The following PDE8B variants were observed in gnomAD, a reference collection of about 807,000 sequenced individuals.
PDE8B encodes phosphodiesterase 8B, also known as high affinity cAMP-specific and IBMX-insensitive 3',5'-cyclic phosphodiesterase 8B.
PDE8B carries 26 observed loss-of-function variants against 101.3 expected under a neutral mutation model. The observed-to-expected ratio is 0.26, with a 90% CI of 0.19 to 0.36. The LOEUF (loss-of-function observed/expected upper bound fraction) is 0.36, where lower values mean the gene tolerates loss of function less well. Ranked by LOEUF, PDE8B falls within the 10% of genes least tolerant of loss-of-function variation. The pLI is 1.00. For synonymous variants in PDE8B, 424 were observed against 429.3 expected (o/e 0.99, Z 0.15); for missense variants, 810 against 1,163.1 (o/e 0.70, Z 4.42).
At chr5:77,203,846 A>G in the PDE8B span, among the ~76,000 whole-genome samples, 1 of 152,172 alleles carries the variant, frequency 6.6e-6, no homozygotes, top group African/African-American at 2.4e-5. Context: ...TAGTGTAATG[A>G]CATCTTCTGG....
intron 10 of PDE8B, among the ~76,000 whole-genome samples, chr5:77,391,073 C>A (rs1789806700): frequency 2.0e-5 from 3 of 152,208 alleles, no homozygotes; most frequent in African/African-American, 7.2e-5. Flanking sequence ...CAGACCCACT[C>A]ATTCTGTATC....
chr5:77,413,313 G>C lies in PDE8B; in HGVS notation c.1911+4G>C. ...TCTTGGAAAGGAAAGAGTAAAGGTA[G>C]GATTTTGATATCATGACCTAGTTAC... On this transcript the variant is annotated splice_donor_region_variant and intron_variant, in intron 17 of 21. Transcript: ENST00000264917. The C allele has an allele frequency of 6.2e-7, 1 of 1,612,680 alleles. No homozygotes were observed. Among genetic ancestry groups the C allele is most frequent in the East Asian group, 2.2e-5 (1 of 44,884 alleles).
At chr5:77,256,854 T>G (rs1759284880) in intron 1 of PDE8B, among the ~76,000 whole-genome samples, 1 of 152,232 alleles carries the variant, frequency 6.6e-6, no homozygotes, top group Admixed American at 6.5e-5. Flanking sequence ...TAATCTTCAT[T>G]TGACTAAAAA....
At chr5:77,128,794 G>A in the PDE8B span, among the ~76,000 whole-genome samples, 31 of 152,114 alleles carry the variant, frequency 2.0e-4, no homozygotes, top group Non-Finnish European at 3.1e-4. Context: ...CAGATGCATC[G>A]GACCAGAACT....
intron 2 of PDE8B, among the ~76,000 whole-genome samples, chr5:77,317,955 G>C (rs11738860): frequency 0.2 from 29,545 of 150,778 alleles, 3,478 homozygotes; most frequent in Middle Eastern, 0.32. Context: ...TACTCTGGAG[G>C]CTGAGGCAGA....
At chr5:77,160,608 G>A in the PDE8B span, among the ~76,000 whole-genome samples, 1 of 152,096 alleles carries the variant, frequency 6.6e-6, no homozygotes, top group African/African-American at 2.4e-5. Flanking sequence ...TCCTTTGGGT[G>A]TTTTACAATT....
chr5:77,410,393 C>A (rs761255341), intron 14 of PDE8B: 4 of 152,268 alleles, frequency 2.6e-5, no homozygotes, highest in Non-Finnish European at 5.9e-5. Context: ...GTGGAAAGGT[C>A]TGGATGTTGT....
At chr5:77,244,050 TCCA>T (rs199522966) in intron 1 of PDE8B, among the ~76,000 whole-genome samples, 5,680 of 151,480 alleles carry the variant, frequency 0.037, 146 homozygotes, top group African/African-American at 0.071. Flanking sequence ...AAGAAGACAC[TCCA>T]CCACCACCAC....
chr5:77,422,612 T>A (rs142381808), intron 20 of PDE8B, among the ~76,000 whole-genome samples: 71 of 152,260 alleles, frequency 4.7e-4, no homozygotes, highest in Middle Eastern at 3.4e-3. Flanking sequence ...GTAGTTCACT[T>A]TAATTGTAGC....
intron 10 of PDE8B, among the ~76,000 whole-genome samples, chr5:77,380,818 A>G (rs867010315): frequency 8.5e-5 from 13 of 152,352 alleles, no homozygotes; most frequent in Admixed American, 1.3e-4. Context: ...ATAGCATGTA[A>G]CAGAAGGGCT....
intron 10 of PDE8B, among the ~76,000 whole-genome samples, chr5:77,360,283 G>T (rs55840258): frequency 0.25 from 37,948 of 151,594 alleles, 5,319 homozygotes; most frequent in East Asian, 0.46. Context: ...AATTCCAAAG[G>T]TTGCACTTCT....
At chr5:77,393,295 G>A (rs1790328118) in intron 10 of PDE8B, among the ~76,000 whole-genome samples, 1 of 151,984 alleles carries the variant, frequency 6.6e-6, no homozygotes, top group African/African-American at 2.4e-5. Flanking sequence ...TCGGGTGGCT[G>A]AGGCCTGAGA....
chr5:77,213,431 A>G (rs1367967639), intron 1 of PDE8B, among the ~76,000 whole-genome samples: 5 of 152,216 alleles, frequency 3.3e-5, no homozygotes, highest in African/African-American at 9.6e-5. Context: ...CTGCCCTAAT[A>G]TATTTAATAG....
At chr5:77,257,783 C>G (rs555521914) in intron 1 of PDE8B, among the ~76,000 whole-genome samples, 46 of 152,194 alleles carry the variant, frequency 3.0e-4, no homozygotes, top group African/African-American at 1.1e-3. Flanking sequence ...TTATTAAGCC[C>G]GGCATGCATT....
intron 13 of PDE8B, among the ~76,000 whole-genome samples, chr5:77,408,387 G>A (rs1793915372): frequency 6.6e-6 from 1 of 152,130 alleles, no homozygotes; most frequent in Non-Finnish European, 1.5e-5. Flanking sequence ...TTTTTGTTGT[G>A]TGTGTTTATG....
intron 17 of PDE8B, among the ~76,000 whole-genome samples, chr5:77,414,585 C>T (rs1467219235): frequency 3.0e-5 from 4 of 135,428 alleles, no homozygotes; most frequent in African/African-American, 5.4e-5. Flanking sequence ...CATGCCCAGC[C>T]GATTTTTTTT....
Position 77,413,274 on chromosome 5 carries a change from G to A in PDE8B, c.1876G>A (p.Ala626Thr), listed in dbSNP as rs376573598. 6.2e-7 allele frequency: 1 copy of A among 1,613,680 alleles called. No homozygotes were observed. The highest frequency in any genetic ancestry group is 8.5e-7 in the Non-Finnish European group (1 of 1,179,820). The change falls in exon 17 of 22, where the codon GCC becomes ACC. Residue 626 changes from alanine to threonine, a missense_variant. By Grantham distance (58) the Ala-to-Thr change is moderately conservative. Transcript: ENST00000264917. ...CACCCATGCTGCCGACGTCCTGCAC[G>A]CCACCGCTTTCTTTCTTGGAAAGGA... ...NSTHAADVLH[A>T]TAFFLGKERV...
At chr5:77,181,018 G>A in the PDE8B span, among the ~76,000 whole-genome samples, 1 of 151,706 alleles carries the variant, frequency 6.6e-6, no homozygotes, top group African/African-American at 2.4e-5. Flanking sequence ...GCGCACCTCA[G>A]TGCCTAGCTC....
chr5:77,326,070 A>G (rs1251521537), intron 3 of PDE8B, among the ~76,000 whole-genome samples: 1 of 152,180 alleles, frequency 6.6e-6, no homozygotes, highest in Non-Finnish European at 1.5e-5. Flanking sequence ...TAAACTAGCT[A>G]TTTTAATCTT....
Sources: allele counts gnomAD v4.1 joint callset (sites outside exome capture counted in the v4.1 genomes callset), GRCh38; gene constraint gnomAD v4.1.1; transcripts MANE v1.5; gene names NCBI Gene and HGNC (gene_info 2026-07-23, HGNC 2026-07-21).